ADGRB1: variants seen among roughly 807,000 people sequenced by gnomAD.
The protein encoded by ADGRB1 is brain-specific angiogenesis inhibitor 1.
ADGRB1 carries 36 observed loss-of-function variants against 175.7 expected under a neutral mutation model. That is an observed-to-expected ratio of 0.20 (90% confidence interval 0.16 to 0.27). The LOEUF (loss-of-function observed/expected upper bound fraction) is 0.27, where lower values mean the gene tolerates loss of function less well. Among genes scored for constraint, ADGRB1 ranks in the 10% least tolerant of loss-of-function variants. The pLI is 1.00. For missense variants in ADGRB1, 1,731 were observed against 2,255.3 expected (o/e 0.77, Z 4.71); for synonymous variants, 1,054 against 979.4 (o/e 1.08, Z -1.42).
intron 26 of ADGRB1, 26 bp from the exon 27 acceptor site, chr8:142,539,348 C>T: frequency 6.4e-7 from 1 of 1,571,666 alleles, no homozygotes; most frequent in Non-Finnish European, 8.6e-7. Flanking sequence ...AGGCGCTCAC[C>T]CTGCCCTGTT....
intron 24 of ADGRB1, among the ~76,000 whole-genome samples, chr8:142,527,548 C>T (rs1844281291): frequency 6.6e-6 from 1 of 152,108 alleles, no homozygotes; most frequent in Non-Finnish European, 1.5e-5. Flanking sequence ...TGCCATGGCC[C>T]TGGGGTCTGT....
At chr8:142,526,515 A>ACCCCC in intron 23 of ADGRB1, 27 bp from the exon 24 acceptor site, 1 of 555,466 alleles carries the variant, frequency 1.8e-6, no homozygotes, top group South Asian at 3.0e-5. Flanking sequence ...CCCCACCCCC[A>ACCCCC]CACCCCCACC....
rs150651889 is a variant in ADGRB1 at position 142,480,834 on chromosome 8, G to A, written c.1829-420G>A. On this transcript the variant is annotated intron_variant, in intron 9 of 30. Coordinates refer to ENST00000517894, the MANE Select transcript of ADGRB1 (RefSeq NM_001702.3). ...CCCTTAATGCCCAGCAGCACCCCAAGGCTGCCCCCATGTCTCTGGGCCAGG... is the reference window on the plus strand; with the variant it reads ...CCCTTAATGCCCAGCAGCACCCCAAAGCTGCCCCCATGTCTCTGGGCCAGG... Among the ~76,000 whole-genome samples, 490 of 152,312 alleles carry A rather than the reference G, an allele frequency of 3.2e-3. 1 individual carries two copies. Among genetic ancestry groups the A allele is most frequent in the Middle Eastern group, 0.014 (4 of 294 alleles).
intron 17 of ADGRB1, among the ~76,000 whole-genome samples, chr8:142,501,157 C>G (rs1301468441): frequency 2.0e-5 from 3 of 152,162 alleles, no homozygotes; most frequent in African/African-American, 4.8e-5. Context: ...GGAGGTGACG[C>G]TGGTGACCAT....
intron 24 of ADGRB1, among the ~76,000 whole-genome samples, chr8:142,527,422 T>C (rs1235831038): frequency 6.6e-6 from 1 of 152,190 alleles, no homozygotes; most frequent in East Asian, 1.9e-4. Context: ...TCTCTCTTCC[T>C]GGCTCCTCCT....
chr8:142,453,187 T>C (rs1292861718), intron 1 of ADGRB1, among the ~76,000 whole-genome samples: 3 of 152,026 alleles, frequency 2.0e-5, no homozygotes, highest in Admixed American at 2.0e-4. Context: ...CTGGTGTCCA[T>C]GTGTGGCGCG....
chr8:142,523,467 C>A lies in ADGRB1; in HGVS notation c.3245+757C>A, dbSNP rs537934863. Among the ~76,000 whole-genome samples the A allele has an allele frequency of 1.6e-4, 24 of 151,916 alleles. 1 individual carries two copies. The South Asian group carries it at 3.3e-3, about 21-fold the overall frequency. ...GACAGGATGTGGCACCCCCTTGGAG[C>A]ACTGCCCTGTCTAGGTGGCAGTAGG... On this transcript the variant is annotated intron_variant, in intron 22 of 30. Transcript: ENST00000517894.
intron 22 of ADGRB1, 34 bp downstream of exon 22, chr8:142,522,744 C>T: frequency 6.8e-7 from 1 of 1,460,994 alleles, no homozygotes; most frequent in Non-Finnish European, 9.0e-7. Context: ...GGTGGATGGC[C>T]ACATGGCCCC....
In ADGRB1 at chr8:142,491,963, A is replaced by G. The variant is rs559488199; in HGVS notation, c.2675+1148A>G. Among the ~76,000 whole-genome samples, 28 of 152,024 alleles carry G rather than the reference A, an allele frequency of 1.8e-4. No homozygotes were observed. In the South Asian group the frequency reaches 5.8e-3, roughly 32 times the overall value. The stretch of plus-strand genomic sequence containing the variant: ...GAGGCTGAGGGCATGAGGAGCAGGG[A>G]GCCGGCCAGGAGGAGCAGGCAGAGG... On this transcript the variant is annotated intron_variant, in intron 17 of 30. Transcript: ENST00000517894.
intron 18 of ADGRB1, among the ~76,000 whole-genome samples, chr8:142,517,450 G>A (rs961913235): frequency 2.0e-5 from 3 of 152,226 alleles, no homozygotes; most frequent in African/African-American, 4.8e-5. Context: ...CCGCTGTGGC[G>A]GGAGAGGAGC....
At chr8:142,461,632 G>C (rs546920069) in intron 1 of ADGRB1, among the ~76,000 whole-genome samples, 2 of 152,170 alleles carry the variant, frequency 1.3e-5, no homozygotes, top group South Asian at 2.1e-4. Context: ...AACCTGCCCC[G>C]CCCTGGGAAT....
At chr8:142,467,477 G>A (rs778002454) in intron 2 of ADGRB1, among the ~76,000 whole-genome samples, 5 of 152,176 alleles carry the variant, frequency 3.3e-5, no homozygotes, top group Admixed American at 1.3e-4. Flanking sequence ...CAGGTGTCCC[G>A]CCAGAAATGA....
chr8:142,536,538 G>C (rs1487793076), intron 25 of ADGRB1, among the ~76,000 whole-genome samples: 2 of 152,120 alleles, frequency 1.3e-5, no homozygotes, highest in Non-Finnish European at 2.9e-5. Flanking sequence ...GGAGGGGCCA[G>C]GCTCAGGGAC....
chr8:142,459,520 G>A (rs1839859636), intron 1 of ADGRB1, among the ~76,000 whole-genome samples: 1 of 152,236 alleles, frequency 6.6e-6, no homozygotes, highest in Non-Finnish European at 1.5e-5. Flanking sequence ...CACCCTCTGG[G>A]GCACACCCTC....
chr8:142,492,850 C>T lies in ADGRB1; in HGVS notation c.2675+2035C>T, dbSNP rs4077116. Reference sequence around the variant, plus strand: ...GGCAGTGCGGGGGCTGCAGGTGGGTCTCTCACCCCCACAGCCCCAGCACTT... The same window carrying T: ...GGCAGTGCGGGGGCTGCAGGTGGGTTTCTCACCCCCACAGCCCCAGCACTT... On this transcript the variant is annotated intron_variant, in intron 17 of 30. Transcript: ENST00000517894. The surrounding 1 kb of genome is among the most constrained non-coding windows in gnomAD (Gnocchi z 4.4). 6.6e-6 allele frequency among the ~76,000 whole-genome samples: 1 copy of T among 152,024 alleles called. No homozygotes were observed. Among genetic ancestry groups the T allele is most frequent in the Non-Finnish European group, 1.5e-5 (1 of 67,982 alleles).
rs1457103688 is a variant in ADGRB1 at position 142,542,302 on chromosome 8, G to A, written c.4068G>A (p.Arg1356=). ...VILPTATATL[R]PKPKEEPKYS... ...TGCCCACGGCCACGGCCACGCTGCGGCCCAAGCCCAAGGAGGAGCCCAAGT... is the reference window on the plus strand; with the variant it reads ...TGCCCACGGCCACGGCCACGCTGCGACCCAAGCCCAAGGAGGAGCCCAAGT... The change falls in exon 28 of 31, where the codon CGG becomes CGA. Residue 1356 remains arginine (R), a synonymous_variant. Transcript: ENST00000517894. This position sits in a 1 kb window ranked among gnomAD's most constrained non-coding sequence, Gnocchi z 6.3. 4.3e-6 allele frequency: 7 copies of A among 1,613,022 alleles called. No individual in the cohort carries two copies. In the Admixed American group the frequency reaches 5.0e-5, roughly 12 times the overall value.
At chr8:142,506,931 A>T (rs1842878748) in intron 17 of ADGRB1, among the ~76,000 whole-genome samples, 2 of 152,156 alleles carry the variant, frequency 1.3e-5, no homozygotes, top group Non-Finnish European at 2.9e-5. Context: ...CTGGCTCAGG[A>T]TGGGTCTCAG....
chr8:142,464,088 CTCCCTG>C lies in ADGRB1; in HGVS notation c.-110_-105del. Reference sequence around the variant, plus strand: ...CTCTCCCATCCCACCCTTGCCCCGCCTCCCTGCCCCCACCGGGCCGGCCCTGCCCGC... The same window carrying C: ...CTCTCCCATCCCACCCTTGCCCCGCCCCCCCACCGGGCCGGCCCTGCCCGC... On this transcript the variant is annotated 5_prime_UTR_variant, in exon 2 of 31. Coordinates refer to ENST00000517894, the MANE Select transcript of ADGRB1 (RefSeq NM_001702.3). 1.8e-5 allele frequency: 15 copies of C among 844,514 alleles called. No individual in the cohort carries two copies. The highest frequency in any genetic ancestry group is 1.3e-4 in the East Asian group (3 of 23,608). The allele number at this position is 844,514 out of a possible 1,614,324, so 52.3% of individuals were successfully genotyped here.
In ADGRB1 at chr8:142,510,808, G is replaced by T; in HGVS notation, c.2676-124G>T. ...GACGGGCGCGCGGCTGCGGGCGCAG[G>T]TGCGGGGCGGCGGGCCGGGGCCGGG... On this transcript the variant is annotated intron_variant, in intron 17 of 30. Coordinates refer to ENST00000517894, the MANE Select transcript of ADGRB1 (RefSeq NM_001702.3). The surrounding 1 kb of genome is among the most constrained non-coding windows in gnomAD (Gnocchi z 6.3). The T allele has an allele frequency of 3.0e-6, 1 of 334,340 alleles. No individual in the cohort carries two copies. The highest frequency in any genetic ancestry group is 4.2e-6 in the Non-Finnish European group (1 of 238,736). The allele number at this position is 334,340 out of a possible 1,614,324, so 20.7% of individuals were successfully genotyped here.
Sources: gnomAD v4.1 joint callset for allele counts (sites outside exome capture counted in the v4.1 genomes callset) on GRCh38, gnomAD v4.1.1 for gene constraint, Gnocchi (gnomAD v3.1) non-coding constraint, MANE v1.5 for transcripts, NCBI Gene and HGNC (gene_info 2026-07-23, HGNC 2026-07-21) for gene names.